Variants in RARRES1 observed in about 807,000 individuals in gnomAD.
RARRES1 encodes the protein retinoic acid receptor responder protein 1.
In RARRES1, 34 loss-of-function variants were observed where a neutral mutation model predicts 30.6. That is an observed-to-expected ratio of 1.11 (90% CI 0.84 to 1.48). The LOEUF is 1.48. Among genes scored for constraint, RARRES1 ranks in the 40% most tolerant of loss-of-function variants. The pLI is 0.00. For missense variants in RARRES1, 373 were observed against 386.5 expected (o/e 0.97, Z 0.29); for synonymous variants, 153 against 155.5 (o/e 0.98, Z 0.12).
In RARRES1 at chr3:158,702,649, C is replaced by T. The variant is rs558761115; in HGVS notation, c.672+2142G>A. The stretch of plus-strand genomic sequence containing the variant: ...TATATTATCTTGACACCATTTTCTA[C>T]GCTTAAAACAACCTCTTCCCCCTAA... On this transcript the variant is annotated intron_variant, in intron 4 of 5. Transcript: ENST00000237696. Among the ~76,000 whole-genome samples, 16 of 152,268 alleles carry T rather than the reference C, an allele frequency of 1.1e-4. No homozygotes were observed. The South Asian group carries it at 2.7e-3, about 26-fold the overall frequency.
chr3:158,730,313 CTG>C (rs1727830593), intron 1 of RARRES1, among the ~76,000 whole-genome samples: 1 of 116,638 alleles, frequency 8.6e-6, no homozygotes, highest in Non-Finnish European at 1.8e-5. Flanking sequence ...GAGCAAGACT[CTG>C]TCTCAAAAAA....
intron 2 of RARRES1, among the ~76,000 whole-genome samples, chr3:158,712,216 T>G (rs1253032190): frequency 6.6e-6 from 1 of 152,146 alleles, no homozygotes; most frequent in Non-Finnish European, 1.5e-5. Context: ...CTTTTGTGGT[T>G]GTTTAAACTG....
At chr3:158,707,256 T>G (rs1029250190) in intron 3 of RARRES1, among the ~76,000 whole-genome samples, 8 of 152,034 alleles carry the variant, frequency 5.3e-5, no homozygotes, top group African/African-American at 9.7e-5. Context: ...GGTGGTCCCT[T>G]TATGTACATA....
chr3:158,698,946 T>C (rs1298044478), intron 4 of RARRES1, among the ~76,000 whole-genome samples: 1 of 152,198 alleles, frequency 6.6e-6, no homozygotes, highest in Middle Eastern at 3.2e-3. Context: ...ACTCCCTGCA[T>C]GGCAAGCTTA....
At position 158,704,356 on chromosome 3, in the gene RARRES1, C is replaced by T. The variant is rs141074239; in HGVS notation, c.672+435G>A. On this transcript the variant is annotated intron_variant, in intron 4 of 5. Transcript: ENST00000237696. ...AAGCAATCCTCCCAACTCTGCGTCCCGAGTACCTGGGACTATAGGCATGTG... is the reference window on the plus strand; with the variant it reads ...AAGCAATCCTCCCAACTCTGCGTCCTGAGTACCTGGGACTATAGGCATGTG... Among the ~76,000 whole-genome samples, 115 of 151,726 alleles carry T rather than the reference C, an allele frequency of 7.6e-4. 2 individuals are homozygous for T. In the Middle Eastern group the frequency reaches 0.041, roughly 54 times the overall value.
At chr3:158,724,251 C>T (rs1158428430) in intron 1 of RARRES1, among the ~76,000 whole-genome samples, 3 of 152,172 alleles carry the variant, frequency 2.0e-5, no homozygotes, top group Non-Finnish European at 2.9e-5. Flanking sequence ...AGCCTGGACA[C>T]GGGGTGTGGT....
chr3:158,704,843 G>A lies in RARRES1; in HGVS notation c.620C>T (p.Thr207Ile), dbSNP rs1228526590. 5 of 1,613,908 alleles carry A rather than the reference G, an allele frequency of 3.1e-6. No individual in the cohort carries two copies. The highest frequency in any genetic ancestry group is 4.2e-6 in the Non-Finnish European group (5 of 1,179,990). ...LGSSYVMWEM[T>I]TQVSHYYLAQ... ...CAAGTAGTAGTGTGACACCTGTGTT[G>A]TCATTTCCCACATCACGTAAGAGCT... is the stretch of plus-strand genomic sequence containing the variant. Residue 207 changes from threonine (T) to isoleucine (I), a missense_variant, in exon 4 of 6, where the codon ACA (threonine) becomes ATA (isoleucine). Coordinates refer to ENST00000237696, the MANE Select transcript of RARRES1 (RefSeq NM_206963.2).
At chr3:158,716,195 T>C (rs1727316367) in intron 1 of RARRES1, among the ~76,000 whole-genome samples, 1 of 152,180 alleles carries the variant, frequency 6.6e-6, no homozygotes, top group South Asian at 2.1e-4. Flanking sequence ...GGAGGGTTCA[T>C]TCTCTGGCAC....
At chr3:158,731,500 C>T (rs945119674) in intron 1 of RARRES1, among the ~76,000 whole-genome samples, 2 of 152,200 alleles carry the variant, frequency 1.3e-5, no homozygotes, top group Non-Finnish European at 2.9e-5. Context: ...TTGCAAAGTT[C>T]TCATTCATTC....
chr3:158,701,572 G>A (rs561053245), intron 4 of RARRES1, among the ~76,000 whole-genome samples: 2 of 152,138 alleles, frequency 1.3e-5, no homozygotes, highest in Non-Finnish European at 2.9e-5. Flanking sequence ...TCCTGCCTCC[G>A]TGCCATACTG....
chr3:158,716,014 C>T (rs770533589), intron 1 of RARRES1, among the ~76,000 whole-genome samples: 5 of 152,230 alleles, frequency 3.3e-5, no homozygotes, highest in African/African-American at 7.2e-5. Flanking sequence ...CGCTGCACCC[C>T]GCACCTGCTA....
rs1161202735 is a variant in RARRES1, at chr3:158,723,305, C to T, written c.276+8835G>A. The stretch of plus-strand genomic sequence containing the variant: ...AAGAAAACATAAATGTCAGGCTATT[C>T]CAGTAAAAGCAAACTTCGTCATTTT... On this transcript the variant is annotated intron_variant, in intron 1 of 5. Coordinates refer to ENST00000237696, the MANE Select transcript of RARRES1 (RefSeq NM_206963.2). The surrounding 1 kb of genome is among the most constrained non-coding windows in gnomAD (Gnocchi z 4.4). Among the ~76,000 whole-genome samples the T allele has an allele frequency of 6.6e-6, 1 of 152,164 alleles. No homozygotes were observed. The highest frequency in any genetic ancestry group is 1.5e-5 in the Non-Finnish European group (1 of 68,024).
rs757991310 is a variant in RARRES1, at chr3:158,713,795, A to C, written c.339+2T>G. 10 of 1,610,598 alleles carry C rather than the reference A, an allele frequency of 6.2e-6. No individual in the cohort carries two copies. In the African/African-American group the frequency reaches 1.3e-4, roughly 22 times the overall value. On this transcript the variant is annotated splice_donor_variant, in intron 2 of 5. Coordinates refer to ENST00000237696, the MANE Select transcript of RARRES1 (RefSeq NM_206963.2). LOFTEE classifies it high-confidence loss of function. ...GATACTTTGCCAATTGTGGCAGCTT[A>C]CCTCTGGGTTGTAGCGCTCTGTGCT...
intron 2 of RARRES1, among the ~76,000 whole-genome samples, chr3:158,711,411 G>A (rs1727130946): frequency 6.6e-6 from 1 of 151,980 alleles, no homozygotes; most frequent in South Asian, 2.1e-4. Flanking sequence ...GTTTAAGGAG[G>A]TACCTACTCC....
intron 1 of RARRES1, among the ~76,000 whole-genome samples, chr3:158,720,607 A>G (rs535195085): frequency 2.0e-5 from 3 of 152,198 alleles, no homozygotes; most frequent in South Asian, 2.1e-4. Flanking sequence ...TTAGTTTACA[A>G]CTGAATCACT....
intron 3 of RARRES1, among the ~76,000 whole-genome samples, chr3:158,706,735 T>G (rs1464481078): frequency 6.6e-6 from 1 of 152,208 alleles, no homozygotes; most frequent in Non-Finnish European, 1.5e-5. Flanking sequence ...TGACCAAAGT[T>G]TCTAGCCAAC....
At chr3:158,698,478 G>A (rs1726623447) in intron 4 of RARRES1, among the ~76,000 whole-genome samples, 1 of 152,104 alleles carries the variant, frequency 6.6e-6, no homozygotes, top group South Asian at 2.1e-4. Flanking sequence ...GGGACAAATG[G>A]GAATTCCAAC....
intron 2 of RARRES1, among the ~76,000 whole-genome samples, chr3:158,713,403 C>T (rs752319052): frequency 4.6e-5 from 7 of 152,098 alleles, no homozygotes; most frequent in Admixed American, 6.5e-5. Flanking sequence ...GTTGGTCTCA[C>T]GCTGTGCTGG....
chr3:158,715,696 A>G (rs868020345), intron 1 of RARRES1, among the ~76,000 whole-genome samples: 4 of 152,166 alleles, frequency 2.6e-5, no homozygotes, highest in South Asian at 2.1e-4. Context: ...AACACAAGAG[A>G]CTGACCCAAG....
Sources: allele counts gnomAD v4.1 joint callset (sites outside exome capture counted in the v4.1 genomes callset), GRCh38; gene constraint gnomAD v4.1.1; non-coding constraint Gnocchi (gnomAD v3.1); transcripts MANE v1.5; gene names NCBI Gene and HGNC (gene_info 2026-07-23, HGNC 2026-07-21).